FCER1G: variants seen among roughly 807,000 people sequenced by gnomAD.
FCER1G encodes the protein Fc epsilon receptor Ig, also known as high affinity immunoglobulin epsilon receptor subunit gamma.
In FCER1G, 7 loss-of-function variants were observed where a neutral mutation model predicts 17.3. The ratio of observed to expected loss-of-function variants is 0.40; its 90% CI spans 0.23 to 0.76. The LOEUF (loss-of-function observed/expected upper bound fraction) is 0.76, where lower values mean the gene tolerates loss of function less well. Ranked by LOEUF, FCER1G falls within the 30% of genes least tolerant of loss-of-function variation. The pLI is 0.35. For missense variants in FCER1G, 87 were observed against 97.7 expected (o/e 0.89, Z 0.46); for synonymous variants, 35 against 38.7 (o/e 0.90, Z 0.35).
Position 161,218,692 on chromosome 1 carries a change from T to A in FCER1G, c.178-11T>A, listed in dbSNP as rs111662633. On this transcript the variant is annotated splice_polypyrimidine_tract_variant and intron_variant, in intron 3 of 4. Transcript: ENST00000289902. ...TGGGTCTTTAATGTTTTGCTTCTTT[T>A]GTCTCTGCAGAAATCAGATGGTGTT... is the stretch of plus-strand genomic sequence containing the variant. 28 of 1,614,078 alleles carry A rather than the reference T, an allele frequency of 1.7e-5. No individual in the cohort carries two copies. In the African/African-American group the frequency reaches 3.2e-4, roughly 18 times the overall value.
intron 1 of FCER1G, among the ~76,000 whole-genome samples, chr1:161,215,754 G>A (rs1178129535): frequency 6.6e-6 from 1 of 151,958 alleles, no homozygotes; most frequent in Non-Finnish European, 1.5e-5. Context: ...CACCACGCCC[G>A]GCTAAGTTAA....
chr1:161,219,048 C>T lies in FCER1G; in HGVS notation c.*105C>T, dbSNP rs896569455. 1.2e-6 allele frequency: 1 copy of T among 806,996 alleles called. No individual in the cohort carries two copies. The allele number at this position is 806,996 out of a possible 1,614,324, so 50.0% of individuals were successfully genotyped here. Reference sequence around the variant, plus strand: ...TGCCATTAACACCAGCTGGCCCTACCCCTATAATGATCCTGTGTCCTAAAT... The same window carrying T: ...TGCCATTAACACCAGCTGGCCCTACTCCTATAATGATCCTGTGTCCTAAAT... On this transcript the variant is annotated 3_prime_UTR_variant, in exon 5 of 5. Transcript: ENST00000289902.
intron 1 of FCER1G, among the ~76,000 whole-genome samples, chr1:161,217,098 G>A (rs1453013765): frequency 2.6e-5 from 4 of 152,196 alleles, no homozygotes; most frequent in African/African-American, 4.8e-5. Context: ...GTGCAATATC[G>A]TGTGTGTGAA....
intron 1 of FCER1G, among the ~76,000 whole-genome samples, chr1:161,215,706 C>T (rs536686649): frequency 1.2e-4 from 18 of 152,184 alleles, no homozygotes; most frequent in Middle Eastern, 3.4e-3. Context: ...GATTCTCCTG[C>T]CTCAGGCTCC....
chr1:161,218,890 A>G lies in FCER1G; in HGVS notation c.208A>G (p.Thr70Ala), dbSNP rs757838295. 2.5e-6 allele frequency: 4 copies of G among 1,613,900 alleles called. No individual in the cohort carries two copies. In the South Asian group the frequency reaches 3.3e-5, roughly 13 times the overall value. The change falls in exon 5 of 5, where the codon ACC becomes GCC. Residue 70 changes from threonine (T) to alanine (A), a missense_variant. By Grantham distance (58) the Thr-to-Ala change is moderately conservative. Coordinates refer to ENST00000289902, the MANE Select transcript of FCER1G (RefSeq NM_004106.2). The stretch of plus-strand genomic sequence containing the variant: ...TGACTCCCATCTCCAGGGCCTGAGC[A>G]CCAGGAACCAGGAGACTTACGAGAC... Reference protein sequence around the residue: ...KSDGVYTGLSTRNQETYETLK... With the variant: ...KSDGVYTGLSARNQETYETLK...
In FCER1G at chr1:161,219,072, A is replaced by G; in HGVS notation, c.*129A>G. On this transcript the variant is annotated 3_prime_UTR_variant, in exon 5 of 5. Coordinates refer to ENST00000289902, the MANE Select transcript of FCER1G (RefSeq NM_004106.2). ...CCCCTATAATGATCCTGTGTCCTAAATTAATATACACCAGTGGTTCCTCCT... is the reference window on the plus strand; with the variant it reads ...CCCCTATAATGATCCTGTGTCCTAAGTTAATATACACCAGTGGTTCCTCCT... 1 of 685,360 alleles carries G rather than the reference A, an allele frequency of 1.5e-6. No homozygotes were observed. The highest frequency in any genetic ancestry group is 2.6e-5 in the East Asian group (1 of 38,158). 42.5% of individuals were successfully genotyped at this position (685,360 alleles called of 1,614,324 possible).
At chr1:161,218,781 C>G in intron 4 of FCER1G, 58 bp downstream of exon 4, 2 of 1,602,518 alleles carry the variant, frequency 1.2e-6, no homozygotes, top group Admixed American at 3.3e-5. Context: ...GGATTTTGAG[C>G]GATCTTTGGA....
intron 1 of FCER1G, among the ~76,000 whole-genome samples, chr1:161,216,377 T>TACACACACACACACAC (rs57711151): frequency 3.8e-3 from 460 of 120,382 alleles, no homozygotes; most frequent in African/African-American, 5.5e-3. Context: ...CACACACACA[T>TACACACACACACACAC]ACACACACAC....
chr1:161,217,959 C>A (rs758159298), intron 1 of FCER1G, 27 bp from the exon 2 acceptor site: 1 of 1,506,818 alleles, frequency 6.6e-7, no homozygotes, highest in South Asian at 1.1e-5. Context: ...ATACCCCCGA[C>A]CCCATGGGCA....
intron 1 of FCER1G, among the ~76,000 whole-genome samples, chr1:161,216,419 T>TAG (rs1188468786): frequency 6.3e-5 from 9 of 142,588 alleles, no homozygotes; most frequent in East Asian, 2.4e-4. Flanking sequence ...CACATATATA[T>TAG]ATATATATAG....
At chr1:161,218,131 G>A in intron 2 of FCER1G, 54 bp downstream of exon 2, 1 of 1,535,206 alleles carries the variant, frequency 6.5e-7, no homozygotes, top group South Asian at 1.1e-5. Context: ...GAGGAGGGCA[G>A]CAGCAAGGAT....
chr1:161,215,581 A>G (rs546800846), intron 1 of FCER1G, among the ~76,000 whole-genome samples: 155 of 151,978 alleles, frequency 1.0e-3, no homozygotes, highest in African/African-American at 3.4e-3. Context: ...TTCATTCCAG[A>G]CTTTTCTCCG....
At chr1:161,218,331 G>A in intron 3 of FCER1G, 55 bp downstream of exon 3, 1 of 1,486,030 alleles carries the variant, frequency 6.7e-7, no homozygotes. Flanking sequence ...CAGCCCTCCT[G>A]GGGCTCTAGC....
chr1:161,215,562 C>T (rs1666017744), intron 1 of FCER1G, among the ~76,000 whole-genome samples, 192 bp downstream of exon 1: 1 of 151,996 alleles, frequency 6.6e-6, no homozygotes, highest in African/African-American at 2.4e-5. Flanking sequence ...TTTCTTGTTG[C>T]CTTCTTACTT....
In FCER1G at chr1:161,218,693, G is replaced by A; in HGVS notation, c.178-10G>A. The A allele has an allele frequency of 6.2e-7, 1 of 1,614,040 alleles. No homozygotes were observed. Among genetic ancestry groups the A allele is most frequent in the East Asian group, 2.2e-5 (1 of 44,880 alleles). ...GGGTCTTTAATGTTTTGCTTCTTTT[G>A]TCTCTGCAGAAATCAGATGGTGTTT... On this transcript the variant is annotated splice_polypyrimidine_tract_variant and intron_variant, in intron 3 of 4. Transcript: ENST00000289902.
Position 161,218,867 on chromosome 1 carries a change from A to T in FCER1G, c.199-14A>T. ...GACTCCAGCTCCTGATCGCCCTTTG[A>T]CTCCCATCTCCAGGGCCTGAGCACC... On this transcript the variant is annotated splice_polypyrimidine_tract_variant and intron_variant, in intron 4 of 4. Transcript: ENST00000289902. 6.2e-7 allele frequency: 1 copy of T among 1,612,174 alleles called. No individual in the cohort carries two copies. Among genetic ancestry groups the T allele is most frequent in the East Asian group, 2.2e-5 (1 of 44,852 alleles).
rs1271651042 is a variant in FCER1G, at chr1:161,218,082, C to T, written c.141+5C>T. 5.6e-6 allele frequency: 9 copies of T among 1,607,788 alleles called. No individual in the cohort carries two copies. Among genetic ancestry groups the T allele is most frequent in the Admixed American group, 1.7e-5 (1 of 59,986 alleles). ...CTCCTCTACTGTCGACTGAAGGTAGCGCTGGGCAGGGTGGGGTAAGGGCTG... is the reference window on the plus strand; with the variant it reads ...CTCCTCTACTGTCGACTGAAGGTAGTGCTGGGCAGGGTGGGGTAAGGGCTG... On this transcript the variant is annotated splice_donor_5th_base_variant and intron_variant, in intron 2 of 4. Transcript: ENST00000289902.
intron 3 of FCER1G, 71 bp from the exon 4 acceptor site, chr1:161,218,632 G>A: frequency 1.3e-6 from 2 of 1,559,074 alleles, no homozygotes; most frequent in Non-Finnish European, 1.8e-6. Context: ...TGCCTCCCTG[G>A]GTGGGGCAGA....
chr1:161,216,377 TACACACACACACAC>T (rs57711151), intron 1 of FCER1G, among the ~76,000 whole-genome samples: 14 of 120,510 alleles, frequency 1.2e-4, no homozygotes, highest in East Asian at 2.4e-4. Context: ...CACACACACA[TACACACACACACAC>T]ACACACACAC....
Sources: allele counts gnomAD v4.1 joint callset (sites outside exome capture counted in the v4.1 genomes callset), GRCh38; gene constraint gnomAD v4.1.1; transcripts MANE v1.5; gene names NCBI Gene and HGNC (gene_info 2026-07-23, HGNC 2026-07-21).